Variants in TMEM132E observed in about 807,000 individuals in gnomAD.
The protein encoded by TMEM132E is transmembrane protein 132E.
A neutral mutation model predicts 78.5 loss-of-function variants in TMEM132E; 49 were observed. The ratio of observed to expected loss-of-function variants is 0.62; its 90% CI spans 0.50 to 0.79. The LOEUF is 0.79. Ranked by LOEUF, TMEM132E falls within the 30% of genes least tolerant of loss-of-function variation. The pLI is 0.00. For synonymous variants in TMEM132E, 715 were observed against 670.6 expected, an observed-to-expected ratio of 1.07 and a Z score of -1.02; for missense variants, 1,403 against 1,470.9, an observed-to-expected ratio of 0.95 and a Z score of 0.75.
chr17:34,615,517 A>ATGTGTGTGTG (rs3048841), intron 1 of TMEM132E, among the ~76,000 whole-genome samples: 16,147 of 140,656 alleles, frequency 0.11, 1,006 homozygotes, highest in East Asian at 0.2. Context: ...ACTGGCACAG[A>ATGTGTGTGTG]TGTGTGTGTG....
intron 1 of TMEM132E, among the ~76,000 whole-genome samples, chr17:34,622,279 G>A (rs1331837655): frequency 6.6e-6 from 1 of 152,176 alleles, no homozygotes; most frequent in Middle Eastern, 3.2e-3. Context: ...GATCAAGCAG[G>A]TTCCTTTAAG....
intron 1 of TMEM132E, among the ~76,000 whole-genome samples, chr17:34,616,721 G>C (rs770110101): frequency 6.6e-6 from 1 of 152,132 alleles, no homozygotes; most frequent in Non-Finnish European, 1.5e-5. Flanking sequence ...CAGGGCTGGG[G>C]ATGGGGTGGA....
At chr17:34,634,644 A>G (rs566916247) in intron 6 of TMEM132E, among the ~76,000 whole-genome samples, 155 bp from the exon 7 acceptor site, 90 of 152,302 alleles carry the variant, frequency 5.9e-4, no homozygotes, top group African/African-American at 2.1e-3. Context: ...CCTGGTTCCC[A>G]ACTTAGAGAT....
At chr17:34,585,186 C>G (rs180787869) in intron 1 of TMEM132E, among the ~76,000 whole-genome samples, 10 of 152,334 alleles carry the variant, frequency 6.6e-5, no homozygotes, top group African/African-American at 2.2e-4. Flanking sequence ...GTGTTATAAA[C>G]TTGGTGGCAG....
chr17:34,632,147 G>T (rs1907366333), intron 5 of TMEM132E, among the ~76,000 whole-genome samples: 1 of 152,192 alleles, frequency 6.6e-6, no homozygotes, highest in Non-Finnish European at 1.5e-5. Flanking sequence ...CTCCACACCT[G>T]GTTAAGCAGC....
intron 1 of TMEM132E, among the ~76,000 whole-genome samples, chr17:34,583,186 G>C (rs1171506636): frequency 1.3e-5 from 2 of 152,234 alleles, no homozygotes; most frequent in African/African-American, 4.8e-5. Context: ...GCCTAACACA[G>C]TGACAGCACA....
chr17:34,621,220 CTTAACAGAAAT>C (rs1412983831), intron 1 of TMEM132E, among the ~76,000 whole-genome samples: 2 of 152,148 alleles, frequency 1.3e-5, no homozygotes, highest in Non-Finnish European at 2.9e-5. Flanking sequence ...GGCTGGGTGG[CTTAACAGAAAT>C]TTATTTTCTC....
intron 1 of TMEM132E, among the ~76,000 whole-genome samples, chr17:34,609,220 C>G (rs1239027290): frequency 2.6e-5 from 4 of 152,158 alleles, no homozygotes; most frequent in East Asian, 1.9e-4. Context: ...GGAAGAGAAG[C>G]CTCCGGCTGC....
At chr17:34,613,370 C>T (rs1402646961) in intron 1 of TMEM132E, among the ~76,000 whole-genome samples, 1 of 151,266 alleles carries the variant, frequency 6.6e-6, no homozygotes, top group Non-Finnish European at 1.5e-5. Flanking sequence ...GAGCAGCCCC[C>T]TCCCCCGCAC....
At position 34,628,623 on chromosome 17, in the gene TMEM132E, T is replaced by C; in HGVS notation, c.1059T>C (p.His353=). ...LGTKSRSGQW[H]VTSELLTGAK... ...CCAAGTCACGGAGTGGCCAGTGGCA[T>C]GTGACCTCGGAGCTGCTGACTGGGG... Residue 353 remains histidine, a synonymous_variant, in exon 3 of 9, where the codon CAT becomes CAC. Coordinates refer to ENST00000631683, the MANE Select transcript of TMEM132E (RefSeq NM_001304438.2). 1 of 1,613,966 alleles carries C rather than the reference T, an allele frequency of 6.2e-7. No homozygotes were observed. The highest frequency in any genetic ancestry group is 1.1e-5 in the South Asian group (1 of 91,030).
chr17:34,589,664 G>T (rs1905796042), intron 1 of TMEM132E, among the ~76,000 whole-genome samples: 1 of 152,108 alleles, frequency 6.6e-6, no homozygotes, highest in Non-Finnish European at 1.5e-5. Flanking sequence ...AAAGGCCCTG[G>T]GTTACCTGTT....
chr17:34,630,263 C>A (rs774066753), intron 5 of TMEM132E, 112 bp downstream of exon 5: 7 of 1,161,162 alleles, frequency 6.0e-6, no homozygotes, highest in Admixed American at 4.9e-5. Context: ...TAACACTGAA[C>A]CCAGGCCTCC....
At position 34,580,012 on chromosome 17, in the gene TMEM132E, C is replaced by A. The variant is rs557650757; in HGVS notation, c.-1065C>A. 3 of 152,446 alleles carry A rather than the reference C, an allele frequency of 2.0e-5. No individual in the cohort carries two copies. Among genetic ancestry groups the A allele is most frequent in the Admixed American group, 6.5e-5 (1 of 15,306 alleles). 9.4% of individuals were successfully genotyped at this position (152,446 alleles called of 1,614,324 possible). On this transcript the variant is annotated 5_prime_UTR_variant, in exon 1 of 9. Transcript: ENST00000631683. The stretch of plus-strand genomic sequence containing the variant: ...GGAGACTCTGAACCCCAGAAAAGTT[C>A]AAGGTTTGTGCAGGTTCCCCCAGGG...
At chr17:34,606,959 A>G (rs12600677) in intron 1 of TMEM132E, among the ~76,000 whole-genome samples, 90,765 of 151,962 alleles carry the variant, frequency 0.6, 27,625 homozygotes, top group Admixed American at 0.72. Flanking sequence ...AAGAATGGCA[A>G]CCTCCCAGAA....
At chr17:34,582,441 G>T (rs1024858823) in intron 1 of TMEM132E, among the ~76,000 whole-genome samples, 1 of 151,920 alleles carries the variant, frequency 6.6e-6, no homozygotes, top group African/African-American at 2.4e-5. Context: ...GGGTCCTGGG[G>T]CTAGGAGGGG....
At position 34,581,982 on chromosome 17, in the gene TMEM132E, G is replaced by A. The variant is rs544311058; in HGVS notation, c.67+839G>A. Among the ~76,000 whole-genome samples, 5 of 152,040 alleles carry A rather than the reference G, an allele frequency of 3.3e-5. No individual in the cohort carries two copies. The South Asian group carries it at 1.0e-3, about 32-fold the overall frequency. On this transcript the variant is annotated intron_variant, in intron 1 of 8. Transcript: ENST00000631683. Reference sequence around the variant, plus strand: ...GGGAAATCAGACCAGAGGGAAGGAGGCTGCAGCGGGCCTTCCGCAAGCTGG... The same window carrying A: ...GGGAAATCAGACCAGAGGGAAGGAGACTGCAGCGGGCCTTCCGCAAGCTGG...
chr17:34,636,332 C>A, intron 8 of TMEM132E, 134 bp downstream of exon 8: 1 of 907,348 alleles, frequency 1.1e-6, no homozygotes, highest in Non-Finnish European at 1.5e-6. Flanking sequence ...CCTCCATGCC[C>A]TGCACAACTG....
chr17:34,617,469 C>G (rs1173017247), intron 1 of TMEM132E, among the ~76,000 whole-genome samples: 1 of 152,222 alleles, frequency 6.6e-6, no homozygotes, highest in Non-Finnish European at 1.5e-5. Context: ...GAGCACTTCC[C>G]TCCTCTCAGA....
intron 1 of TMEM132E, chr17:34,614,341 A>T (rs1435172114): frequency 6.6e-6 from 1 of 152,264 alleles, no homozygotes. Flanking sequence ...GGGACCTCAC[A>T]TCAAAGCCCA....
Sources: gnomAD v4.1 joint callset for allele counts (sites outside exome capture counted in the v4.1 genomes callset) on GRCh38, gnomAD v4.1.1 for gene constraint, MANE v1.5 for transcripts, NCBI Gene and HGNC (gene_info 2026-07-23, HGNC 2026-07-21) for gene names.